The following EPHA4 variants were observed in gnomAD, a reference collection of about 807,000 sequenced individuals.
EPHA4 encodes the protein ephrin type-A receptor 4.
A neutral mutation model predicts 108.3 loss-of-function variants in EPHA4; 19 were observed. That is an observed-to-expected ratio of 0.18 (90% CI 0.12 to 0.26). EPHA4 has a LOEUF of 0.26. EPHA4 is among the 10% of genes least tolerant of loss of function. The pLI, the probability that EPHA4 is intolerant of heterozygous loss-of-function variation, is 1.00. For missense variants in EPHA4, 917 were observed against 1,254.0 expected (o/e 0.73, Z 4.06); for synonymous variants, 449 against 455.5 (o/e 0.99, Z 0.18).
chr2:221,516,606 C>T (rs942119925), intron 3 of EPHA4, among the ~76,000 whole-genome samples: 1 of 152,168 alleles, frequency 6.6e-6, no homozygotes, highest in East Asian at 1.9e-4. Flanking sequence ...CGGCCCGCCT[C>T]GGCCCAAAGT....
chr2:221,460,540 T>C (rs1287212373), intron 5 of EPHA4, among the ~76,000 whole-genome samples: 2 of 152,198 alleles, frequency 1.3e-5, no homozygotes, highest in Non-Finnish European at 2.9e-5. Flanking sequence ...GAAATGTACC[T>C]AAAACATACA....
intron 5 of EPHA4, among the ~76,000 whole-genome samples, chr2:221,465,605 A>G (rs1169930293): frequency 6.6e-6 from 1 of 152,040 alleles, no homozygotes; most frequent in African/African-American, 2.4e-5. Context: ...AGTTCATGTG[A>G]CTGAGTTTTG....
intron 3 of EPHA4, among the ~76,000 whole-genome samples, chr2:221,538,816 C>A (rs1003923157): frequency 6.6e-6 from 1 of 152,264 alleles, no homozygotes; most frequent in South Asian, 2.1e-4. Flanking sequence ...ACAAATAAAA[C>A]CATATTGACA....
In EPHA4 at chr2:221,425,835, G is replaced by C. The variant is rs1043194499; in HGVS notation, c.*193C>G. 1.7e-6 allele frequency: 1 copy of C among 581,988 alleles called. No homozygotes were observed. Among genetic ancestry groups the C allele is most frequent in the Admixed American group, 3.1e-5 (1 of 32,702 alleles). 36.1% of individuals were successfully genotyped at this position (581,988 alleles called of 1,614,324 possible). A position where few individuals can be genotyped will look rare whatever the true frequency, so the allele number is the denominator to read the frequency against. ...GATTTGTTCCAGGTCTCATTCAAATGACCGGCAGTCATTTCTGTAAGCCCC... is the reference window on the plus strand; with the variant it reads ...GATTTGTTCCAGGTCTCATTCAAATCACCGGCAGTCATTTCTGTAAGCCCC... On this transcript the variant is annotated 3_prime_UTR_variant, in exon 17 of 18. Coordinates refer to ENST00000281821, the MANE Select transcript of EPHA4 (RefSeq NM_004438.5).
intron 3 of EPHA4, among the ~76,000 whole-genome samples, chr2:221,508,510 C>T (rs6744762): frequency 6.7e-6 from 1 of 150,278 alleles, no homozygotes; most frequent in African/African-American, 2.5e-5. Context: ...ACCCGGGAGA[C>T]TGAGGTTGCA....
At chr2:221,441,223 A>T (rs1574565193) in intron 11 of EPHA4, among the ~76,000 whole-genome samples, 3 of 137,378 alleles carry the variant, frequency 2.2e-5, no homozygotes, top group Non-Finnish European at 3.1e-5. Flanking sequence ...TTAAGTAGAG[A>T]CAGGTTTCTA....
intron 3 of EPHA4, among the ~76,000 whole-genome samples, chr2:221,527,939 C>T (rs1693387349): frequency 6.6e-6 from 1 of 152,158 alleles, no homozygotes; most frequent in Non-Finnish European, 1.5e-5. Flanking sequence ...TTCTGAGGCT[C>T]ATGAGCAGAG....
intron 3 of EPHA4, among the ~76,000 whole-genome samples, chr2:221,502,007 C>A (rs1263743321): frequency 6.6e-6 from 1 of 152,004 alleles, no homozygotes; most frequent in South Asian, 2.1e-4. Flanking sequence ...ACACACCTCC[C>A]GAGAGCCTGG....
intron 3 of EPHA4, among the ~76,000 whole-genome samples, chr2:221,527,914 T>C (rs1693386736): frequency 6.6e-6 from 1 of 152,110 alleles, no homozygotes. Context: ...CCCCTCCTTT[T>C]AATATTTCGC....
intron 3 of EPHA4, among the ~76,000 whole-genome samples, chr2:221,504,697 G>C (rs1692580243): frequency 1.3e-5 from 2 of 152,034 alleles, no homozygotes; most frequent in East Asian, 3.9e-4. Context: ...TAAATATCAA[G>C]TATTCATTGA....
chr2:221,536,392 G>A lies in EPHA4; in HGVS notation c.823+27339C>T, dbSNP rs140612953. 4.5e-4 allele frequency among the ~76,000 whole-genome samples: 68 copies of A among 152,218 alleles called. 1 individual carries two copies. In the East Asian group the frequency reaches 0.013, roughly 28 times the overall value. On this transcript the variant is annotated intron_variant, in intron 3 of 17. Coordinates refer to ENST00000281821, the MANE Select transcript of EPHA4 (RefSeq NM_004438.5). The stretch of plus-strand genomic sequence containing the variant: ...GTTTTTAATCCCTGTACTAGAATGC[G>A]AACCTGCTCACTGAAGGCTGCCCTC...
intron 4 of EPHA4, 106 bp from the exon 5 acceptor site, chr2:221,482,796 C>G: frequency 1.9e-6 from 2 of 1,051,978 alleles, no homozygotes; most frequent in Non-Finnish European, 2.7e-6. Flanking sequence ...GGCAAACCCA[C>G]TTGGCAAAGA....
chr2:221,457,855 T>G lies in EPHA4; in HGVS notation c.1443+11A>C, dbSNP rs370090603. 341 of 1,611,774 alleles carry G rather than the reference T, an allele frequency of 2.1e-4. No homozygotes were observed. Among genetic ancestry groups the G allele is most frequent in the Non-Finnish European group, 2.8e-4 (333 of 1,178,966 alleles). On this transcript the variant is annotated intron_variant, in intron 6 of 17. Transcript: ENST00000281821. ...AAGAAAGGAAAGGAGTGTTGTTCACTCAAGTAATACCTTCTCATAATACTT... is the reference window on the plus strand; with the variant it reads ...AAGAAAGGAAAGGAGTGTTGTTCACGCAAGTAATACCTTCTCATAATACTT...
chr2:221,523,615 A>G (rs1286315383), intron 3 of EPHA4, among the ~76,000 whole-genome samples: 3 of 136,558 alleles, frequency 2.2e-5, no homozygotes, highest in Non-Finnish European at 3.1e-5. Flanking sequence ...TTTTTTTGAG[A>G]CAGAGCCTCC....
chr2:221,481,602 C>T (rs568198733), intron 5 of EPHA4, among the ~76,000 whole-genome samples: 31 of 151,910 alleles, frequency 2.0e-4, no homozygotes, highest in African/African-American at 7.5e-4. Flanking sequence ...TGCAGTGAGC[C>T]GAGATCACGC....
chr2:221,443,837 C>T (rs571229570), intron 9 of EPHA4, among the ~76,000 whole-genome samples: 1 of 152,316 alleles, frequency 6.6e-6, no homozygotes, highest in East Asian at 1.9e-4. Context: ...CTTCACACTT[C>T]AAGGACAAGA....
rs1410289525 is a variant in EPHA4, at chr2:221,519,231, CT to C, written c.824-18060del. Among the ~76,000 whole-genome samples the C allele has an allele frequency of 9.3e-5, 14 of 150,612 alleles. 1 individual carries two copies. Among genetic ancestry groups the C allele is most frequent in the African/African-American group, 1.9e-4 (8 of 41,172 alleles). ...GTGGCTATAAATGTAGTTTTAAACA[CT>C]TTTTTTTTAAAGCAGGATATAACAA... On this transcript the variant is annotated intron_variant, in intron 3 of 17. Coordinates refer to ENST00000281821, the MANE Select transcript of EPHA4 (RefSeq NM_004438.5).
intron 4 of EPHA4, among the ~76,000 whole-genome samples, chr2:221,492,704 C>G (rs1321619584): frequency 6.6e-6 from 1 of 152,254 alleles, no homozygotes; most frequent in African/African-American, 2.4e-5. Context: ...ACGGCTGCAT[C>G]TGAATCGTCC....
At chr2:221,490,742 A>G (rs1270724683) in intron 4 of EPHA4, among the ~76,000 whole-genome samples, 1 of 152,232 alleles carries the variant, frequency 6.6e-6, no homozygotes, top group African/African-American at 2.4e-5. Context: ...TATAAGGAAG[A>G]GTCAACAGTT....
Sources: gnomAD v4.1 joint callset for allele counts (sites outside exome capture counted in the v4.1 genomes callset) on GRCh38, gnomAD v4.1.1 for gene constraint, MANE v1.5 for transcripts, NCBI Gene and HGNC (gene_info 2026-07-23, HGNC 2026-07-21) for gene names.